The following TAF4B variants were observed in gnomAD, a reference collection of about 807,000 sequenced individuals.
TAF4B encodes transcription initiation factor TFIID subunit 4B.
TAF4B carries 38 observed loss-of-function variants against 86.4 expected under a neutral mutation model. That is an observed-to-expected ratio of 0.44 (90% CI 0.34 to 0.58). The LOEUF (loss-of-function observed/expected upper bound fraction) is 0.58. TAF4B is among the 20% of genes least tolerant of loss of function. The pLI, the probability that TAF4B is intolerant of heterozygous loss-of-function variation, is 0.02. For missense variants in TAF4B, 988 were observed against 1,027.6 expected, an observed-to-expected ratio of 0.96 and a Z score of 0.53; for synonymous variants, 388 against 391.2, an observed-to-expected ratio of 0.99 and a Z score of 0.10.
intron 9 of TAF4B, among the ~76,000 whole-genome samples, chr18:26,293,905 G>A (rs1434925354): frequency 6.6e-6 from 1 of 152,034 alleles, no homozygotes; most frequent in Non-Finnish European, 1.5e-5. Context: ...ACGTTATTAT[G>A]TACCCTTTTG....
intron 13 of TAF4B, among the ~76,000 whole-genome samples, chr18:26,338,127 T>C (rs576660415): frequency 5.9e-5 from 9 of 152,220 alleles, no homozygotes; most frequent in Non-Finnish European, 1.2e-4. Context: ...CCTAATCTTA[T>C]CCATATTTGC....
chr18:26,356,931 C>T (rs2057293072), intron 13 of TAF4B, among the ~76,000 whole-genome samples: 1 of 151,840 alleles, frequency 6.6e-6, no homozygotes, highest in Non-Finnish European at 1.5e-5. Context: ...AAATTATACC[C>T]TGTAGATTTG....
intron 3 of TAF4B, among the ~76,000 whole-genome samples, chr18:26,272,299 T>G (rs532961112): frequency 6.6e-6 from 1 of 152,312 alleles, no homozygotes; most frequent in African/African-American, 2.4e-5. Context: ...ATGAGACTAA[T>G]GGCACCGCTG....
At chr18:26,230,621 G>A (rs934586542) in intron 1 of TAF4B, among the ~76,000 whole-genome samples, 1 of 152,190 alleles carries the variant, frequency 6.6e-6, no homozygotes, top group Non-Finnish European at 1.5e-5. Context: ...CTCTCCTGCG[G>A]ATCTTCCTCA....
chr18:26,268,655 C>T (rs1329891994), intron 3 of TAF4B, among the ~76,000 whole-genome samples: 1 of 152,114 alleles, frequency 6.6e-6, no homozygotes, highest in Non-Finnish European at 1.5e-5. Flanking sequence ...GCCACACATA[C>T]TTCTTTTTGC....
chr18:26,356,076 A>C (rs543611601), intron 13 of TAF4B, among the ~76,000 whole-genome samples: 3 of 152,298 alleles, frequency 2.0e-5, no homozygotes, highest in African/African-American at 7.2e-5. Context: ...TAGCTTATAC[A>C]CAACAGAATT....
At chr18:26,286,547 G>T in intron 7 of TAF4B, 48 bp downstream of exon 7, 1 of 1,539,976 alleles carries the variant, frequency 6.5e-7, no homozygotes, top group South Asian at 1.3e-5. Flanking sequence ...TGAAAATTTT[G>T]AACATTCAGA....
intron 1 of TAF4B, among the ~76,000 whole-genome samples, chr18:26,235,173 G>T (rs957695712): frequency 2.6e-5 from 4 of 152,086 alleles, no homozygotes; most frequent in African/African-American, 9.7e-5. Context: ...GGTTTTGAAG[G>T]TTGTTTTTGC....
chr18:26,278,277 G>C (rs1019045328), intron 5 of TAF4B, among the ~76,000 whole-genome samples: 1 of 152,018 alleles, frequency 6.6e-6, no homozygotes, highest in Non-Finnish European at 1.5e-5. Context: ...ATCCAAGGAT[G>C]TTTCAAAGTG....
At chr18:26,247,290 A>G (rs974095526) in intron 1 of TAF4B, among the ~76,000 whole-genome samples, 5 of 152,224 alleles carry the variant, frequency 3.3e-5, no homozygotes, top group African/African-American at 1.2e-4. Context: ...GGGGAACACC[A>G]TTTATGTGGA....
chr18:26,288,365 C>T (rs979716305), intron 7 of TAF4B, among the ~76,000 whole-genome samples: 8 of 152,130 alleles, frequency 5.3e-5, no homozygotes, highest in Non-Finnish European at 1.0e-4. Flanking sequence ...CCGGGCGCAG[C>T]GGCTCATGCC....
intron 11 of TAF4B, among the ~76,000 whole-genome samples, chr18:26,322,127 A>AC (rs2056968179): frequency 6.6e-6 from 1 of 152,178 alleles, no homozygotes; most frequent in South Asian, 2.1e-4. Context: ...TAGATTTTGA[A>AC]CAAGATGGTA....
intron 14 of TAF4B, among the ~76,000 whole-genome samples, chr18:26,363,565 A>G (rs1227120025): frequency 6.6e-6 from 1 of 151,968 alleles, no homozygotes; most frequent in Non-Finnish European, 1.5e-5. Flanking sequence ...AAAAGAAAAA[A>G]GGAGAGAGAG....
intron 9 of TAF4B, among the ~76,000 whole-genome samples, chr18:26,310,249 G>GTGTGCC (rs2056839846): frequency 6.6e-6 from 1 of 152,110 alleles, no homozygotes; most frequent in South Asian, 2.1e-4. Context: ...GATCATTTAA[G>GTGTGCC]TGTGCCTGTT....
At chr18:26,232,756 A>C (rs908492608) in intron 1 of TAF4B, among the ~76,000 whole-genome samples, 1 of 152,222 alleles carries the variant, frequency 6.6e-6, no homozygotes, top group Non-Finnish European at 1.5e-5. Context: ...GGTTTTGGAG[A>C]GTCACTGCTG....
intron 1 of TAF4B, among the ~76,000 whole-genome samples, chr18:26,252,717 T>C (rs571010938): frequency 9.9e-5 from 15 of 152,100 alleles, no homozygotes; most frequent in Non-Finnish European, 2.1e-4. Flanking sequence ...GGTAACCCTA[T>C]TTTAATTAAT....
At chr18:26,279,545 C>CAA (rs375937630) in intron 5 of TAF4B, among the ~76,000 whole-genome samples, 177 of 113,514 alleles carry the variant, frequency 1.6e-3, no homozygotes, top group Non-Finnish European at 1.9e-3. Context: ...CAATTAGAAG[C>CAA]AAAAAAAAAA....
At chr18:26,314,953 T>C (rs1249300822) in intron 9 of TAF4B, among the ~76,000 whole-genome samples, 2 of 152,280 alleles carry the variant, frequency 1.3e-5, no homozygotes, top group South Asian at 4.2e-4. Flanking sequence ...TTATTAAATA[T>C]ACATTGGTGG....
chr18:26,317,372 A>G (rs2056923273), intron 10 of TAF4B, among the ~76,000 whole-genome samples: 1 of 152,106 alleles, frequency 6.6e-6, no homozygotes, highest in African/African-American at 2.4e-5. Context: ...AACCTTGATT[A>G]TATGATAGAA....
Sources: gnomAD v4.1 joint callset for allele counts (sites outside exome capture counted in the v4.1 genomes callset) on GRCh38, gnomAD v4.1.1 for gene constraint, MANE v1.5 for transcripts, NCBI Gene and HGNC (gene_info 2026-07-23, HGNC 2026-07-21) for gene names.